The following FAM167A variants were observed in gnomAD, a reference collection of about 807,000 sequenced individuals.
FAM167A encodes protein FAM167A.
FAM167A carries 23 observed loss-of-function variants against 14.9 expected under a neutral mutation model. That is an observed-to-expected ratio of 1.55 (90% CI 1.11 to 2.19). The LOEUF (loss-of-function observed/expected upper bound fraction) is 2.19, where lower values mean the gene tolerates loss of function less well. FAM167A is among the 30% of genes most tolerant of loss of function. The pLI is 0.00. For missense variants in FAM167A, 401 were observed against 281.5 expected, an observed-to-expected ratio of 1.42 and a Z score of -3.04; for synonymous variants, 174 against 117.7, an observed-to-expected ratio of 1.48 and a Z score of -3.10.
At chr8:11,462,042 G>A (rs992119352) in intron 1 of FAM167A, among the ~76,000 whole-genome samples, 5 of 152,346 alleles carry the variant, frequency 3.3e-5, no homozygotes, top group South Asian at 4.1e-4. Flanking sequence ...CAGGTGCAGC[G>A]CTGTGCCTGC....
chr8:11,425,016 A>G (rs1407671740), intron 2 of FAM167A, among the ~76,000 whole-genome samples: 4 of 152,110 alleles, frequency 2.6e-5, no homozygotes, highest in African/African-American at 7.2e-5. Context: ...TCTAGGTGAG[A>G]AGGAGGGACT....
chr8:11,436,142 G>C (rs1004358065), intron 2 of FAM167A, among the ~76,000 whole-genome samples: 2 of 152,222 alleles, frequency 1.3e-5, no homozygotes, highest in Non-Finnish European at 2.9e-5. Context: ...TCCGGGGTTG[G>C]GTAGGGCTGT....
chr8:11,456,690 A>G (rs114386862), intron 1 of FAM167A, among the ~76,000 whole-genome samples: 1 of 151,350 alleles, frequency 6.6e-6, no homozygotes, highest in African/African-American at 2.4e-5. Flanking sequence ...AGTTAGTGAC[A>G]TGTGCAGAGC....
chr8:11,458,765 T>C (rs1190042133), intron 1 of FAM167A, among the ~76,000 whole-genome samples: 2 of 151,492 alleles, frequency 1.3e-5, no homozygotes, highest in Non-Finnish European at 2.9e-5. Flanking sequence ...GGAATAAGCC[T>C]GAGGTAAGGC....
chr8:11,473,645 C>A (rs577914179), intron 1 of FAM167A, among the ~76,000 whole-genome samples: 1 of 152,118 alleles, frequency 6.6e-6, no homozygotes, highest in African/African-American at 2.4e-5. Flanking sequence ...GTGCAGGGTG[C>A]GGTTCTATCT....
intron 2 of FAM167A, among the ~76,000 whole-genome samples, chr8:11,431,299 A>T (rs1302255936): frequency 6.6e-6 from 1 of 152,262 alleles, no homozygotes; most frequent in East Asian, 1.9e-4. Context: ...ACTAAAGGCC[A>T]AATACCGTAG....
intron 2 of FAM167A, among the ~76,000 whole-genome samples, chr8:11,434,350 G>T (rs974210844): frequency 2.0e-5 from 3 of 152,194 alleles, no homozygotes; most frequent in African/African-American, 7.2e-5. Context: ...TGGGACTGTG[G>T]ATGGGAGGGG....
chr8:11,441,554 T>C (rs1035270824), intron 2 of FAM167A, among the ~76,000 whole-genome samples: 3 of 152,192 alleles, frequency 2.0e-5, no homozygotes, highest in Non-Finnish European at 2.9e-5. Context: ...TCGCTGCTCT[T>C]TGAGCATGCC....
At chr8:11,447,183 C>CTTTTCTTT (rs146992974) in intron 1 of FAM167A, among the ~76,000 whole-genome samples, 60,854 of 145,690 alleles carry the variant, frequency 0.42, 13,246 homozygotes, top group East Asian at 0.62. Flanking sequence ...GGTTTCTTTT[C>CTTTTCTTT]TTTTTCTTTT....
At chr8:11,439,635 G>A (rs916130983) in intron 2 of FAM167A, among the ~76,000 whole-genome samples, 2 of 152,048 alleles carry the variant, frequency 1.3e-5, no homozygotes, top group South Asian at 4.2e-4. Context: ...CGGGAGGAGG[G>A]TGTCTGCAGG....
chr8:11,430,638 C>G (rs1029509132), intron 2 of FAM167A, among the ~76,000 whole-genome samples: 1 of 152,142 alleles, frequency 6.6e-6, no homozygotes, highest in Non-Finnish European at 1.5e-5. Flanking sequence ...GGTTGTTTCT[C>G]AAGGTAGAAG....
chr8:11,425,293 C>T (rs1431328402), intron 2 of FAM167A, among the ~76,000 whole-genome samples: 2 of 152,162 alleles, frequency 1.3e-5, no homozygotes, highest in African/African-American at 4.8e-5. Context: ...TCATCACCCA[C>T]AGCTTATAGA....
In FAM167A at chr8:11,436,178, G is replaced by A. The variant is rs186518595; in HGVS notation, c.381+7853C>T. Among the ~76,000 whole-genome samples, 58 of 152,350 alleles carry A rather than the reference G, an allele frequency of 3.8e-4. No homozygotes were observed. The East Asian group carries it at 9.1e-3, about 24-fold the overall frequency. ...GTTATTGTCTCTATCACCAAGTGTT[G>A]CCAACGTCAAAGGGCTGGTAATGCC... On this transcript the variant is annotated intron_variant, in intron 2 of 2. Transcript: ENST00000284486.
upstream of FAM167A, among the ~76,000 whole-genome samples, chr8:11,468,211 C>T (rs1217479782): frequency 6.6e-6 from 1 of 152,232 alleles, no homozygotes; most frequent in Non-Finnish European, 1.5e-5. Context: ...GCTTAAAGGC[C>T]TTCAACGCCC....
intron 2 of FAM167A, among the ~76,000 whole-genome samples, chr8:11,433,225 AAAG>A (rs1480229929): frequency 8.5e-5 from 13 of 152,172 alleles, no homozygotes; most frequent in African/African-American, 2.2e-4. Flanking sequence ...AAAAAATAAA[AAAG>A]AACATGTAAT....
intron 2 of FAM167A, among the ~76,000 whole-genome samples, chr8:11,429,146 A>C (rs1271797843): frequency 6.6e-6 from 1 of 152,052 alleles, no homozygotes; most frequent in Non-Finnish European, 1.5e-5. Context: ...AGCCCCTGGC[A>C]CCCACCCTTC....
chr8:11,467,244 A>G (rs2117164349), upstream of FAM167A, among the ~76,000 whole-genome samples: 1 of 152,372 alleles, frequency 6.6e-6, no homozygotes, highest in Admixed American at 6.5e-5. Flanking sequence ...AGATGAGGAA[A>G]CTGAGGTGCA....
intron 1 of FAM167A, among the ~76,000 whole-genome samples, chr8:11,453,697 T>C (rs1231879137): frequency 6.6e-6 from 1 of 151,412 alleles, no homozygotes; most frequent in Non-Finnish European, 1.5e-5. Context: ...AAAGCAAGAG[T>C]GTCCTCTGGG....
intron 1 of FAM167A, among the ~76,000 whole-genome samples, chr8:11,459,257 AG>A (rs1416568873): frequency 2.0e-5 from 3 of 152,208 alleles, no homozygotes; most frequent in African/African-American, 7.2e-5. Context: ...ACTGCAGGCA[AG>A]GAAACCACAG....
Sources: allele counts gnomAD v4.1 joint callset (sites outside exome capture counted in the v4.1 genomes callset), GRCh38; gene constraint gnomAD v4.1.1; transcripts MANE v1.5; gene names NCBI Gene and HGNC (gene_info 2026-07-23, HGNC 2026-07-21).